The following SLC8A1 variants were observed in gnomAD, a reference collection of about 807,000 sequenced individuals.
SLC8A1 encodes sodium/calcium exchanger 1.
Under a neutral mutation model 68.3 loss-of-function variants are expected in SLC8A1, and 18 were observed. The ratio of observed to expected loss-of-function variants is 0.26; its 90% confidence interval spans 0.18 to 0.39. The LOEUF is 0.39. SLC8A1 is among the 10% of genes least tolerant of loss of function. The pLI is 1.00. For missense variants in SLC8A1, 985 were observed against 1,156.7 expected (o/e 0.85, Z 2.15); for synonymous variants, 475 against 415.5 (o/e 1.14, Z -1.74).
chr2:40,455,040 C>G (rs1702919124), upstream of SLC8A1, among the ~76,000 whole-genome samples: 1 of 152,186 alleles, frequency 6.6e-6, no homozygotes, highest in Non-Finnish European at 1.5e-5. Flanking sequence ...GTCACCGGGT[C>G]TCCACTGTTA....
intron 2 of SLC8A1, among the ~76,000 whole-genome samples, chr2:40,302,205 T>C (rs1465987973): frequency 6.6e-6 from 1 of 152,002 alleles, no homozygotes; most frequent in Non-Finnish European, 1.5e-5. Flanking sequence ...CCCCAATTTG[T>C]AGTCTTTTAT....
intron 2 of SLC8A1, among the ~76,000 whole-genome samples, chr2:40,232,899 T>C (rs1236401346): frequency 1.3e-5 from 2 of 149,988 alleles, no homozygotes; most frequent in African/African-American, 4.9e-5. Context: ...GTTTCCAATT[T>C]CATCCATGTC....
intron 2 of SLC8A1, among the ~76,000 whole-genome samples, chr2:40,235,570 T>C (rs2148924225): frequency 6.6e-6 from 1 of 152,240 alleles, no homozygotes; most frequent in African/African-American, 2.4e-5. Flanking sequence ...TCATTAATTT[T>C]TTGAAGGGTT....
intron 2 of SLC8A1, among the ~76,000 whole-genome samples, chr2:40,304,441 A>G (rs765769454): frequency 5.3e-5 from 8 of 152,106 alleles, no homozygotes; most frequent in Admixed American, 5.2e-4. Context: ...TCGCATAAGG[A>G]TTCTGAGTAA....
intron 2 of SLC8A1, among the ~76,000 whole-genome samples, chr2:40,302,742 C>T (rs931558400): frequency 3.3e-4 from 50 of 152,044 alleles, no homozygotes; most frequent in African/African-American, 1.2e-3. Context: ...TTCTTTTCCT[C>T]TGGGAAAATA....
intron 1 of SLC8A1, among the ~76,000 whole-genome samples, chr2:40,496,597 A>G (rs112537288): frequency 0.01 from 1,555 of 152,078 alleles, 30 homozygotes; most frequent in African/African-American, 0.035. Flanking sequence ...ATTAAAAGAG[A>G]AAGATCCGAA....
chr2:40,450,378 G>A (rs1409351081), intron 1 of SLC8A1, among the ~76,000 whole-genome samples: 2 of 151,966 alleles, frequency 1.3e-5, no homozygotes. Flanking sequence ...GTGCACGCGC[G>A]CGCGCTGGTG....
At chr2:40,334,796 T>C (rs1434640009) in intron 2 of SLC8A1, among the ~76,000 whole-genome samples, 2 of 152,198 alleles carry the variant, frequency 1.3e-5, no homozygotes, top group Non-Finnish European at 2.9e-5. Flanking sequence ...ATCTGGGACA[T>C]TTAAAATAAA....
intron 2 of SLC8A1, among the ~76,000 whole-genome samples, chr2:40,420,089 T>G (rs1695056969): frequency 1.3e-5 from 2 of 152,162 alleles, no homozygotes; most frequent in African/African-American, 4.8e-5. Context: ...CAGAGAGGAT[T>G]CAGAAATAAG....
intron 1 of SLC8A1, among the ~76,000 whole-genome samples, chr2:40,490,968 C>T (rs1023017664): frequency 6.6e-6 from 1 of 152,068 alleles, no homozygotes; most frequent in Non-Finnish European, 1.5e-5. Context: ...AAAAACCCGG[C>T]CATTCACTAT....
chr2:40,453,128 T>C (rs994437554), upstream of SLC8A1: 4 of 152,332 alleles, frequency 2.6e-5, no homozygotes, highest in South Asian at 2.1e-4. Flanking sequence ...TGGAGTTCAC[T>C]AGCTTCCAAA....
At chr2:40,202,648 G>T (rs1320860259) in intron 2 of SLC8A1, among the ~76,000 whole-genome samples, 2 of 151,950 alleles carry the variant, frequency 1.3e-5, no homozygotes, top group African/African-American at 4.8e-5. Flanking sequence ...ATCACCAAGG[G>T]TGATGTGACA....
intron 2 of SLC8A1, among the ~76,000 whole-genome samples, chr2:40,183,025 C>T (rs917490142): frequency 2.0e-5 from 3 of 152,310 alleles, no homozygotes; most frequent in Middle Eastern, 3.4e-3. Context: ...AAGGTTTACC[C>T]TCTCCTTAGA....
intron 1 of SLC8A1, among the ~76,000 whole-genome samples, chr2:40,446,822 G>A (rs1436752571): frequency 6.6e-6 from 1 of 152,226 alleles, no homozygotes; most frequent in Non-Finnish European, 1.5e-5. Flanking sequence ...GAGAAAACGT[G>A]TGTAAAGCAT....
chr2:40,324,014 T>C (rs571802940), intron 2 of SLC8A1, among the ~76,000 whole-genome samples: 31 of 148,614 alleles, frequency 2.1e-4, no homozygotes, highest in Non-Finnish European at 4.3e-4. Context: ...TTGCAATGCT[T>C]AGCAAGTTAA....
At chr2:40,277,031 G>A (rs550180613) in intron 2 of SLC8A1, among the ~76,000 whole-genome samples, 2 of 152,258 alleles carry the variant, frequency 1.3e-5, no homozygotes, top group Admixed American at 1.3e-4. Context: ...TATGCCATAT[G>A]TAAATTAAAA....
intron 1 of SLC8A1, among the ~76,000 whole-genome samples, chr2:40,460,336 C>T (rs997492216): frequency 6.6e-6 from 1 of 152,080 alleles, no homozygotes; most frequent in African/African-American, 2.4e-5. Flanking sequence ...ACAGATAGAT[C>T]AATAAATATC....
intron 2 of SLC8A1, among the ~76,000 whole-genome samples, chr2:40,344,712 T>A (rs1490794927): frequency 6.6e-6 from 1 of 152,190 alleles, no homozygotes; most frequent in Non-Finnish European, 1.5e-5. Flanking sequence ...TCTATTCCTA[T>A]GTACACAAGT....
At chr2:40,416,057 A>T (rs1270873926) in intron 2 of SLC8A1, among the ~76,000 whole-genome samples, 4 of 148,820 alleles carry the variant, frequency 2.7e-5, no homozygotes, top group African/African-American at 9.8e-5. Context: ...TCTGTTTTAA[A>T]AAAAAAAAAA....
Sources: gnomAD v4.1 joint callset for allele counts (sites outside exome capture counted in the v4.1 genomes callset) on GRCh38, gnomAD v4.1.1 for gene constraint, MANE v1.5 for transcripts, NCBI Gene and HGNC (gene_info 2026-07-23, HGNC 2026-07-21) for gene names.